Variants in CLMP observed in about 807,000 individuals in gnomAD.
The protein encoded by CLMP is CXADR-like membrane protein.
A neutral mutation model predicts 45.2 loss-of-function variants in CLMP; 27 were observed. That is an observed-to-expected ratio of 0.60 (90% CI 0.44 to 0.82). The LOEUF (loss-of-function observed/expected upper bound fraction) is 0.82, where lower values mean the gene tolerates loss of function less well. CLMP is among the 40% of genes least tolerant of loss of function. The pLI, the probability that CLMP is intolerant of heterozygous loss-of-function variation, is 0.00. For missense variants in CLMP, 403 were observed against 448.4 expected (o/e 0.90, Z 0.91); for synonymous variants, 167 against 171.4 (o/e 0.97, Z 0.20).
chr11:123,127,770 C>T (rs1373115917), intron 1 of CLMP, among the ~76,000 whole-genome samples: 1 of 152,174 alleles, frequency 6.6e-6, no homozygotes, highest in Non-Finnish European at 1.5e-5. Context: ...GGCACGGTGG[C>T]TCACGCCTGT....
Position 123,078,896 on chromosome 11 carries a change from G to A in CLMP, c.680-4053C>T, listed in dbSNP as rs532961764. On this transcript the variant is annotated intron_variant, in intron 5 of 6. Transcript: ENST00000448775. ...CTTGACCTCGTGATCCACCTGCCTC[G>A]GCCTCCCAAAGTGCTGGGATTATAG... Among the ~76,000 whole-genome samples, 32 of 152,050 alleles carry A rather than the reference G, an allele frequency of 2.1e-4. No individual in the cohort carries two copies. The East Asian group carries it at 5.4e-3, about 26-fold the overall frequency.
intron 1 of CLMP, among the ~76,000 whole-genome samples, chr11:123,178,066 T>C (rs370096662): frequency 9.2e-5 from 14 of 152,082 alleles, no homozygotes; most frequent in East Asian, 7.8e-4. Flanking sequence ...GGTGTCACCA[T>C]GTTGGCCAGG....
At chr11:123,083,903 G>C in intron 3 of CLMP, 56 bp from the exon 4 acceptor site, 5 of 1,587,796 alleles carry the variant, frequency 3.1e-6, no homozygotes, top group Non-Finnish European at 4.3e-6. Context: ...CCAAACACCA[G>C]ATTCAATGGA....
chr11:123,170,919 G>A (rs1861624329), intron 1 of CLMP, among the ~76,000 whole-genome samples: 3 of 152,184 alleles, frequency 2.0e-5, no homozygotes, highest in Non-Finnish European at 4.4e-5. Context: ...AAACCAAGAC[G>A]AATGAGTCTC....
chr11:123,091,190 T>G (rs1865928605), intron 2 of CLMP, among the ~76,000 whole-genome samples: 1 of 152,072 alleles, frequency 6.6e-6, no homozygotes, highest in Non-Finnish European at 1.5e-5. Flanking sequence ...CTGCAACCTT[T>G]GCCTCCTGCG....
intron 1 of CLMP, among the ~76,000 whole-genome samples, chr11:123,147,970 G>A (rs1861262430): frequency 1.3e-5 from 2 of 152,114 alleles, no homozygotes; most frequent in Admixed American, 1.3e-4. Context: ...GAGCCACCGT[G>A]CGTGGCTTAG....
At chr11:123,183,823 C>G (rs6589971) in intron 1 of CLMP, among the ~76,000 whole-genome samples, 11,035 of 152,122 alleles carry the variant, frequency 0.073, 1,164 homozygotes, top group African/African-American at 0.23. Context: ...TAAGCCAGCA[C>G]AGAGCCCTGC....
chr11:123,179,500 G>A (rs1267123686), intron 1 of CLMP, among the ~76,000 whole-genome samples: 1 of 152,170 alleles, frequency 6.6e-6, no homozygotes, highest in Non-Finnish European at 1.5e-5. Flanking sequence ...CCCTAGAGCC[G>A]CTAGAGGGGT....
At chr11:123,166,147 A>G (rs1267946877) in intron 1 of CLMP, among the ~76,000 whole-genome samples, 2 of 151,904 alleles carry the variant, frequency 1.3e-5, no homozygotes, top group African/African-American at 2.4e-5. Flanking sequence ...TCCTTTCCGC[A>G]TCGTGAGGCT....
At chr11:123,145,914 C>A (rs1031735831) in intron 1 of CLMP, among the ~76,000 whole-genome samples, 4 of 152,212 alleles carry the variant, frequency 2.6e-5, no homozygotes, top group Non-Finnish European at 5.9e-5. Flanking sequence ...CTCTTCAGCT[C>A]CCACCTATAG....
intron 5 of CLMP, among the ~76,000 whole-genome samples, chr11:123,075,269 T>A (rs1478805553): frequency 1.3e-5 from 2 of 151,372 alleles, no homozygotes; most frequent in Non-Finnish European, 2.9e-5. Context: ...TCTTTATATC[T>A]ATCTTCCTGA....
chr11:123,135,272 A>AAAAAG, intron 1 of CLMP, among the ~76,000 whole-genome samples: 1 of 139,592 alleles, frequency 7.2e-6, no homozygotes, highest in African/African-American at 2.9e-5. Flanking sequence ...AAAAAAAAAA[A>AAAAAG]AAACCTGAGA....
chr11:123,123,194 C>T (rs1214678165), intron 1 of CLMP, among the ~76,000 whole-genome samples: 4 of 151,466 alleles, frequency 2.6e-5, no homozygotes, highest in Non-Finnish European at 4.4e-5. Flanking sequence ...CTTCCAGGCA[C>T]GTGAACTCTG....
chr11:123,157,503 A>G (rs1328127457), intron 1 of CLMP, among the ~76,000 whole-genome samples: 1 of 152,146 alleles, frequency 6.6e-6, no homozygotes, highest in Non-Finnish European at 1.5e-5. Context: ...CAGTGAGCCG[A>G]GATCGCGCCA....
chr11:123,170,740 C>T (rs1413240542), intron 1 of CLMP, among the ~76,000 whole-genome samples: 2 of 152,142 alleles, frequency 1.3e-5, no homozygotes, highest in African/African-American at 4.8e-5. Context: ...CACGCCCAGC[C>T]GAAGCCTGCT....
intron 1 of CLMP, among the ~76,000 whole-genome samples, chr11:123,142,163 T>G (rs1398772469): frequency 1.3e-5 from 2 of 152,060 alleles, no homozygotes; most frequent in African/African-American, 2.4e-5. Context: ...TTTTGTACTT[T>G]TTGTAGAGAT....
intron 1 of CLMP, among the ~76,000 whole-genome samples, chr11:123,190,001 CAAA>C (rs10594946): frequency 0.025 from 3,293 of 129,332 alleles, 87 homozygotes; most frequent in African/African-American, 0.094. Context: ...GACTCTGTCT[CAAA>C]AAAAAAAAAA....
chr11:123,156,195 T>A (rs1005590491), intron 1 of CLMP, among the ~76,000 whole-genome samples: 2 of 152,178 alleles, frequency 1.3e-5, no homozygotes, highest in Non-Finnish European at 2.9e-5. Flanking sequence ...CGTGTGAGGA[T>A]ACAACAAGAA....
intron 1 of CLMP, among the ~76,000 whole-genome samples, chr11:123,189,211 G>A (rs1203596674): frequency 2.0e-5 from 3 of 152,292 alleles, no homozygotes; most frequent in South Asian, 2.1e-4. Context: ...CCACTTTGGG[G>A]TTTAAAGATG....
Sources: allele counts gnomAD v4.1 joint callset (sites outside exome capture counted in the v4.1 genomes callset), GRCh38; gene constraint gnomAD v4.1.1; transcripts MANE v1.5; gene names NCBI Gene and HGNC (gene_info 2026-07-23, HGNC 2026-07-21).